C10orf67: variants seen among roughly 807,000 people sequenced by gnomAD.
C10orf67 encodes uncharacterized protein C10orf67, mitochondrial.
In C10orf67, 60 loss-of-function variants were observed where a neutral mutation model predicts 35.6. The observed-to-expected ratio is 1.68, with a 90% CI of 1.37 to 2.09. The LOEUF is 2.09. Among genes scored for constraint, C10orf67 ranks in the 30% most tolerant of loss-of-function variants. The probability of loss-of-function intolerance (pLI) is 0.00; values close to 1 mark genes in which losing one functional copy is unlikely to be tolerated. For missense variants in C10orf67, 474 were observed against 330.2 expected (o/e 1.44, Z -3.38); for synonymous variants, 167 against 115.8 (o/e 1.44, Z -2.84).
chr10:23,323,952 T>TATATAC (rs1564513730), intron 2 of C10orf67, among the ~76,000 whole-genome samples: 11 of 64,672 alleles, frequency 1.7e-4, no homozygotes, highest in Admixed American at 5.3e-4. Flanking sequence ...TATATATATA[T>TATATAC]ACACACACAC....
At chr10:23,338,283 G>C (rs1460271113) in intron 1 of C10orf67, among the ~76,000 whole-genome samples, 9 of 152,096 alleles carry the variant, frequency 5.9e-5, no homozygotes, top group Non-Finnish European at 1.3e-4. Flanking sequence ...ATGGTGTCAG[G>C]AGTTCAACAA....
chr10:23,274,280 C>T (rs1453463954), intron 8 of C10orf67, among the ~76,000 whole-genome samples: 1 of 152,104 alleles, frequency 6.6e-6, no homozygotes, highest in East Asian at 1.9e-4. Context: ...CAGGAAACAG[C>T]GTTCGGGAGC....
chr10:23,327,530 T>G (rs573857521), intron 2 of C10orf67, among the ~76,000 whole-genome samples: 170 of 152,228 alleles, frequency 1.1e-3, no homozygotes, highest in African/African-American at 3.9e-3. Flanking sequence ...AAATACAGAT[T>G]TTTTAAAATT....
chr10:23,326,891 T>C (rs928838603), intron 2 of C10orf67, among the ~76,000 whole-genome samples: 1 of 152,088 alleles, frequency 6.6e-6, no homozygotes, highest in Non-Finnish European at 1.5e-5. Flanking sequence ...ATTGGTAAAT[T>C]TGAGTAAATC....
intron 3 of C10orf67, among the ~76,000 whole-genome samples, chr10:23,321,780 G>A (rs554625147): frequency 1.3e-5 from 2 of 152,168 alleles, no homozygotes; most frequent in East Asian, 1.9e-4. Context: ...AGTAATGTCC[G>A]TTTGTTTTGT....
At chr10:23,226,154 T>C (rs1841736234) in intron 13 of C10orf67, among the ~76,000 whole-genome samples, 7 of 152,156 alleles carry the variant, frequency 4.6e-5, no homozygotes, top group Admixed American at 3.9e-4. Context: ...CAGCACCACA[T>C]TGCACTTATT....
chr10:23,335,848 T>A (rs2132403319), intron 1 of C10orf67, among the ~76,000 whole-genome samples: 1 of 152,282 alleles, frequency 6.6e-6, no homozygotes, highest in African/African-American at 2.4e-5. Flanking sequence ...AGTTAAATGT[T>A]CCCCCAAATA....
intron 2 of C10orf67, among the ~76,000 whole-genome samples, chr10:23,329,035 A>AAAAG (rs1208082315): frequency 6.6e-6 from 1 of 150,912 alleles, no homozygotes; most frequent in Non-Finnish European, 1.5e-5. Context: ...AGAAAAAAAG[A>AAAAG]AAAGAAAGAA....
intron 15 of C10orf67, 50 bp downstream of exon 15, chr10:23,223,548 T>A (rs1489347821): frequency 1.4e-6 from 1 of 716,214 alleles, no homozygotes; most frequent in South Asian, 1.5e-5. Context: ...TAATCTAGAC[T>A]AAGTAGCCAT....
chr10:23,223,770 A>T lies in C10orf67; in HGVS notation c.1483T>A (p.Ser495Thr), dbSNP rs1841655707. The T allele has an allele frequency of 1.4e-6, 1 of 715,540 alleles. No homozygotes were observed. The allele number at this position is 715,540 out of a possible 1,614,324, so 44.3% of individuals were successfully genotyped here. The change falls in exon 14 of 16, where the codon TCC becomes ACC. Residue 495 changes from serine (S) to threonine (T), a missense_variant. By Grantham distance (58) the Ser-to-Thr change is moderately conservative (BLOSUM62 1). Transcript: ENST00000636213. ...VQSRTTMTAI[S>T]SSSHCTSSID... ...GAAGATGTACAATGACTTGAAGAGG[A>T]TATAGCTGTCATGGTCGTTCTAGAC...
At chr10:23,319,058 T>G in intron 4 of C10orf67, 1 of 658,558 alleles carries the variant, frequency 1.5e-6, no homozygotes, top group East Asian at 2.7e-5. Flanking sequence ...ATTACATGGG[T>G]AAATTGCACG....
chr10:23,226,931 A>T (rs1177249230), intron 13 of C10orf67, among the ~76,000 whole-genome samples: 1 of 152,216 alleles, frequency 6.6e-6, no homozygotes, highest in Non-Finnish European at 1.5e-5. Context: ...CAGGATCTGA[A>T]ATTGAGGCAA....
At chr10:23,257,332 C>T (rs922704133) in intron 10 of C10orf67, among the ~76,000 whole-genome samples, 1 of 152,178 alleles carries the variant, frequency 6.6e-6, no homozygotes, top group African/African-American at 2.4e-5. Context: ...TCTACCTTCA[C>T]TCATGGAGCA....
chr10:23,275,060 A>G (rs920471099), intron 8 of C10orf67, among the ~76,000 whole-genome samples: 1 of 152,112 alleles, frequency 6.6e-6, no homozygotes, highest in African/African-American at 2.4e-5. Context: ...ATCTTTGACT[A>G]TGTGATATTA....
intron 15 of C10orf67, among the ~76,000 whole-genome samples, chr10:23,210,898 C>T (rs1841288857): frequency 6.6e-6 from 1 of 152,150 alleles, no homozygotes; most frequent in Non-Finnish European, 1.5e-5. Context: ...ATGGTGGGCA[C>T]TGAATGGCAG....
chr10:23,309,474 C>T (rs1043521196), intron 4 of C10orf67, among the ~76,000 whole-genome samples: 3 of 152,124 alleles, frequency 2.0e-5, no homozygotes, highest in African/African-American at 7.2e-5. Flanking sequence ...ATACTAGAAG[C>T]CCAATCCTTA....
intron 13 of C10orf67, among the ~76,000 whole-genome samples, chr10:23,226,397 C>G (rs942746637): frequency 2.0e-5 from 3 of 152,004 alleles, no homozygotes; most frequent in Admixed American, 6.6e-5. Flanking sequence ...CCAACGAGAA[C>G]AAGGACACAA....
chr10:23,263,275 C>A (rs72802182), intron 10 of C10orf67, among the ~76,000 whole-genome samples: 29,222 of 152,002 alleles, frequency 0.19, 3,085 homozygotes, highest in Admixed American at 0.29. Context: ...TGCAATTTAA[C>A]CAAGTAAGAG....
chr10:23,288,687 C>T (rs533613296), intron 7 of C10orf67, among the ~76,000 whole-genome samples: 4 of 152,120 alleles, frequency 2.6e-5, no homozygotes, highest in Non-Finnish European at 4.4e-5. Context: ...AACTTAGGCA[C>T]ATGTGGTGGC....
Sources: allele counts gnomAD v4.1 joint callset (sites outside exome capture counted in the v4.1 genomes callset), GRCh38; gene constraint gnomAD v4.1.1; transcripts MANE v1.5; gene names NCBI Gene and HGNC (gene_info 2026-07-23, HGNC 2026-07-21).